AGPAT3: variants seen among roughly 807,000 people sequenced by gnomAD.
The protein encoded by AGPAT3 is 1-acyl-sn-glycerol-3-phosphate acyltransferase gamma.
AGPAT3 carries 5 observed loss-of-function variants against 47.3 expected under a neutral mutation model. That is an observed-to-expected ratio of 0.11 (90% CI 0.06 to 0.22). AGPAT3 has a LOEUF of 0.22. Among genes scored for constraint, AGPAT3 ranks in the 10% least tolerant of loss-of-function variants. The pLI, the probability that AGPAT3 is intolerant of heterozygous loss-of-function variation, is 1.00. For missense variants in AGPAT3, 315 were observed against 493.0 expected, an observed-to-expected ratio of 0.64 and a Z score of 3.42; for synonymous variants, 212 against 208.3, an observed-to-expected ratio of 1.02 and a Z score of -0.15.
chr21:43,957,742 G>A (rs2088557986), intron 2 of AGPAT3, among the ~76,000 whole-genome samples: 1 of 144,754 alleles, frequency 6.9e-6, no homozygotes. Context: ...CCCTCCACAC[G>A]GGGTTTCCCC....
chr21:43,985,606 G>T lies in AGPAT3; in HGVS notation c.*3214G>T. 1 of 245,506 alleles carries T rather than the reference G, an allele frequency of 4.1e-6. No individual in the cohort carries two copies. Among genetic ancestry groups the T allele is most frequent in the Non-Finnish European group, 8.0e-6 (1 of 124,242 alleles). The allele number at this position is 245,506 out of a possible 1,614,324, so 15.2% of individuals were successfully genotyped here. Reference sequence around the variant, plus strand: ...CGTGCAATTGAGTAGCTGTTGCCAGGCTGTCCATGCCTGTTGTGACTACCG... The same window carrying T: ...CGTGCAATTGAGTAGCTGTTGCCAGTCTGTCCATGCCTGTTGTGACTACCG... On this transcript the variant is annotated 3_prime_UTR_variant, in exon 10 of 10. Transcript: ENST00000291572.
At chr21:43,875,420 T>A (rs912548821) in intron 1 of AGPAT3, among the ~76,000 whole-genome samples, 1 of 152,198 alleles carries the variant, frequency 6.6e-6, no homozygotes, top group African/African-American at 2.4e-5. Context: ...GTGGAACCCC[T>A]AGATATGGAG....
intron 3 of AGPAT3, chr21:43,967,547 C>T: frequency 5.8e-6 from 1 of 171,696 alleles, no homozygotes; most frequent in Non-Finnish European, 1.2e-5. Flanking sequence ...TCATTTTTTC[C>T]CACTGTCTGT....
At chr21:43,938,123 C>CAA (rs980046201) in intron 2 of AGPAT3, among the ~76,000 whole-genome samples, 1 of 151,054 alleles carries the variant, frequency 6.6e-6, no homozygotes, top group African/African-American at 2.4e-5. Flanking sequence ...CACAGACACA[C>CAA]ACACACACAC....
At chr21:43,886,499 G>A (rs1462211576) in intron 1 of AGPAT3, among the ~76,000 whole-genome samples, 12 of 152,040 alleles carry the variant, frequency 7.9e-5, no homozygotes, top group African/African-American at 2.4e-5. Context: ...TGATCCACCC[G>A]ACTCAGCCTC....
intron 2 of AGPAT3, among the ~76,000 whole-genome samples, chr21:43,946,416 A>G (rs1016015840): frequency 5.9e-5 from 9 of 152,158 alleles, no homozygotes; most frequent in Non-Finnish European, 1.3e-4. Context: ...CCTGGCCAAC[A>G]TGGCAAAATC....
Position 43,983,630 on chromosome 21 carries a change from G to A in AGPAT3, c.*1238G>A, listed in dbSNP as rs2029939331. On this transcript the variant is annotated 3_prime_UTR_variant, in exon 10 of 10. Transcript: ENST00000291572. ...CCCTTGGCCTTGCAGCGAGCCCCTGGCCCACGCCGAGCGAGGGATGCTTCT... is the reference window on the plus strand; with the variant it reads ...CCCTTGGCCTTGCAGCGAGCCCCTGACCCACGCCGAGCGAGGGATGCTTCT... 1 of 152,232 alleles carries A rather than the reference G, an allele frequency of 6.6e-6. No homozygotes were observed. The allele number at this position is 152,232 out of a possible 1,614,324, so 9.4% of individuals were successfully genotyped here.
chr21:43,956,517 GTTTTTGTTGCCCCCTTGTC>G (rs1381098345), intron 2 of AGPAT3, among the ~76,000 whole-genome samples: 2 of 152,228 alleles, frequency 1.3e-5, no homozygotes, highest in Admixed American at 1.3e-4. Context: ...CATAAAAAGT[GTTTTTGTTGCCCCCTTGTC>G]TTTTCTGTCC....
At chr21:43,950,933 A>G (rs1261569319) in intron 2 of AGPAT3, 1 of 152,268 alleles carries the variant, frequency 6.6e-6, no homozygotes, top group African/African-American at 2.4e-5. Context: ...AAGTGTGTGC[A>G]GTTTATTTCC....
In AGPAT3 at chr21:43,970,400, G is replaced by A. The variant is rs550528679; in HGVS notation, c.511-253G>A. ...GGCTGCTGCCCCAACACACCTTCAT[G>A]TTTCACTTCTTTCTGGAAAGTTCTT... On this transcript the variant is annotated intron_variant, in intron 5 of 9. Transcript: ENST00000291572. The surrounding 1 kb of genome is among the most constrained non-coding windows in gnomAD (Gnocchi z 5.8). 4.6e-5 allele frequency among the ~76,000 whole-genome samples: 7 copies of A among 152,320 alleles called. No homozygotes were observed. The highest frequency in any genetic ancestry group is 1.2e-4 in the African/African-American group (5 of 41,576).
intron 2 of AGPAT3, among the ~76,000 whole-genome samples, chr21:43,915,904 C>T (rs1047337435): frequency 1.3e-5 from 2 of 152,022 alleles, no homozygotes; most frequent in Non-Finnish European, 1.5e-5. Context: ...GCTTTCATTT[C>T]TAAAGATGTA....
chr21:43,868,512 C>T (rs1278878789), intron 1 of AGPAT3, among the ~76,000 whole-genome samples: 4 of 151,908 alleles, frequency 2.6e-5, no homozygotes, highest in Non-Finnish European at 5.9e-5. Flanking sequence ...GAGATGGTCT[C>T]GATTCCTTTC....
intron 7 of AGPAT3, among the ~76,000 whole-genome samples, chr21:43,973,711 C>T (rs1040198970): frequency 4.6e-5 from 7 of 152,250 alleles, no homozygotes; most frequent in African/African-American, 9.6e-5. Flanking sequence ...GCAGTGTCCC[C>T]GCGCGCCCCT....
rs1363024340 is a variant in AGPAT3 at position 43,982,428 on chromosome 21, G to A, written c.*36G>A. ...TGACTGAACACACGCGGCCCTGACG[G>A]TGGTATCCAGTTAACTCAAAACCAA... On this transcript the variant is annotated 3_prime_UTR_variant, in exon 10 of 10. Coordinates refer to ENST00000291572, the MANE Select transcript of AGPAT3 (RefSeq NM_020132.5). This position sits in a 1 kb window ranked among gnomAD's most constrained non-coding sequence, Gnocchi z 6.2. The A allele has an allele frequency of 4.0e-6, 6 of 1,483,576 alleles. No homozygotes were observed. The East Asian group carries it at 1.4e-4, about 34-fold the overall frequency. 91.9% of individuals were successfully genotyped at this position (1,483,576 alleles called of 1,614,324 possible).
At chr21:43,927,880 C>T (rs540308264) in intron 2 of AGPAT3, among the ~76,000 whole-genome samples, 6 of 152,142 alleles carry the variant, frequency 3.9e-5, no homozygotes, top group East Asian at 1.9e-4. Flanking sequence ...CTGGTGAGGG[C>T]GACCGACGTG....
At position 43,908,319 on chromosome 21, in the gene AGPAT3, G is replaced by C. The variant is rs539697035; in HGVS notation, c.-49+4300G>C. ...TGGGGAAGGAATGCCTGTCGTGAGC[G>C]GAACCAGCCAAGTTCACACATGGCC... On this transcript the variant is annotated intron_variant, in intron 2 of 9. Coordinates refer to ENST00000291572, the MANE Select transcript of AGPAT3 (RefSeq NM_020132.5). This position sits in a 1 kb window ranked among gnomAD's most constrained non-coding sequence, Gnocchi z 4.9. Among the ~76,000 whole-genome samples the C allele has an allele frequency of 6.6e-6, 1 of 152,146 alleles. No homozygotes were observed. The highest frequency in any genetic ancestry group is 1.5e-5 in the Non-Finnish European group (1 of 68,020).
At position 43,880,605 on chromosome 21, in the gene AGPAT3, C is replaced by A. The variant is rs192775497; in HGVS notation, c.-112+15260C>A. ...CCACTGAGTGTGGGATGGGTCACAG[C>A]TATGTCTGTGGCCTTTTGCAAATCA... On this transcript the variant is annotated intron_variant, in intron 1 of 9. Transcript: ENST00000291572. The surrounding 1 kb of genome is among the most constrained non-coding windows in gnomAD (Gnocchi z 4.5). 5.3e-4 allele frequency among the ~76,000 whole-genome samples: 81 copies of A among 152,286 alleles called. 1 individual carries two copies. In the Middle Eastern group the frequency reaches 0.024, roughly 45 times the overall value.
chr21:43,975,347 G>GTGTGCTGGCATGTGTGTGGCA (rs1173659699), intron 7 of AGPAT3, among the ~76,000 whole-genome samples: 1 of 150,582 alleles, frequency 6.6e-6, no homozygotes, highest in Non-Finnish European at 1.5e-5. Flanking sequence ...ATGTTCTGGT[G>GTGTGCTGGCATGTGTGTGGCA]TGTGCTGGCA....
intron 1 of AGPAT3, among the ~76,000 whole-genome samples, chr21:43,876,976 A>C (rs1331118540): frequency 6.6e-6 from 1 of 152,080 alleles, no homozygotes; most frequent in East Asian, 1.9e-4. Context: ...CTTGTGCCTC[A>C]GTCTCCTGAG....
Sources: gnomAD v4.1 joint callset for allele counts (sites outside exome capture counted in the v4.1 genomes callset) on GRCh38, gnomAD v4.1.1 for gene constraint, Gnocchi (gnomAD v3.1) non-coding constraint, MANE v1.5 for transcripts, NCBI Gene and HGNC (gene_info 2026-07-23, HGNC 2026-07-21) for gene names.